TCF7L1: variants seen among roughly 807,000 people sequenced by gnomAD.
The protein encoded by TCF7L1 is transcription factor 7 like 1, also known as transcription factor 7-like 1.
TCF7L1 carries 18 observed loss-of-function variants against 63.7 expected under a neutral mutation model. The ratio of observed to expected loss-of-function variants is 0.28; its 90% CI spans 0.20 to 0.42. The LOEUF is 0.42. TCF7L1 is among the 10% of genes least tolerant of loss of function. The pLI is 1.00. For synonymous variants in TCF7L1, 355 were observed against 340.9 expected (o/e 1.04, Z -0.46); for missense variants, 654 against 779.3 (o/e 0.84, Z 1.91).
intron 3 of TCF7L1, among the ~76,000 whole-genome samples, chr2:85,174,948 A>G (rs966333098): frequency 8.5e-5 from 13 of 152,104 alleles, no homozygotes; most frequent in African/African-American, 2.7e-4. Context: ...AAGTGTTACT[A>G]TGTTTAAGTG....
chr2:85,139,864 T>G (rs56168805), intron 3 of TCF7L1, among the ~76,000 whole-genome samples: 17,541 of 152,162 alleles, frequency 0.12, 1,086 homozygotes, highest in Middle Eastern at 0.15. Flanking sequence ...GAATCTGATC[T>G]TATTTAAGAG....
At chr2:85,207,907 C>A (rs760700028) in intron 3 of TCF7L1, among the ~76,000 whole-genome samples, 3 of 152,014 alleles carry the variant, frequency 2.0e-5, no homozygotes, top group Non-Finnish European at 2.9e-5. Context: ...CTATTAAATG[C>A]ATTTTTTTTG....
intron 3 of TCF7L1, among the ~76,000 whole-genome samples, chr2:85,196,817 C>T (rs1368773036): frequency 2.0e-5 from 3 of 152,200 alleles, no homozygotes; most frequent in Non-Finnish European, 4.4e-5. Flanking sequence ...CCTGAGAAAG[C>T]ATTCCTGCCT....
chr2:85,255,865 C>G (rs1370808724), intron 3 of TCF7L1, among the ~76,000 whole-genome samples: 1 of 152,166 alleles, frequency 6.6e-6, no homozygotes, highest in Non-Finnish European at 1.5e-5. Context: ...CACTGTTGGC[C>G]AGTGGTCACT....
intron 3 of TCF7L1, among the ~76,000 whole-genome samples, chr2:85,176,128 A>G (rs1678672901): frequency 6.6e-6 from 1 of 152,264 alleles, no homozygotes; most frequent in African/African-American, 2.4e-5. Context: ...TTTGTAGGGC[A>G]TACTGGGGTG....
chr2:85,242,807 G>A (rs1382361917), intron 3 of TCF7L1, among the ~76,000 whole-genome samples: 2 of 152,080 alleles, frequency 1.3e-5, no homozygotes, highest in African/African-American at 2.4e-5. Flanking sequence ...TCTCCCCAGG[G>A]CCTCTATATC....
intron 3 of TCF7L1, among the ~76,000 whole-genome samples, chr2:85,239,257 T>C (rs72831501): frequency 0.032 from 4,920 of 152,176 alleles, 91 homozygotes; most frequent in Middle Eastern, 0.044. Flanking sequence ...CTCCTTCCTA[T>C]GCAGTCGGAG....
chr2:85,148,860 GC>G (rs1007876529), intron 3 of TCF7L1, among the ~76,000 whole-genome samples: 1 of 141,642 alleles, frequency 7.1e-6, no homozygotes. Context: ...TGCAACCTCT[GC>G]CCCCCCAGGT....
chr2:85,210,777 A>T (rs536810258), intron 3 of TCF7L1, among the ~76,000 whole-genome samples: 1 of 152,190 alleles, frequency 6.6e-6, no homozygotes, highest in Non-Finnish European at 1.5e-5. Flanking sequence ...CATTCTAAAC[A>T]TGTATGTTAA....
rs1217721868 is a variant in TCF7L1 at position 85,134,101 on chromosome 2, C to A, written c.313+22C>A. The A allele has an allele frequency of 6.2e-7, 1 of 1,606,410 alleles. No homozygotes were observed. Among genetic ancestry groups the A allele is most frequent in the African/African-American group, 1.3e-5 (1 of 74,314 alleles). On this transcript the variant is annotated intron_variant, in intron 2 of 11. Transcript: ENST00000282111. This position sits in a 1 kb window ranked among gnomAD's most constrained non-coding sequence, Gnocchi z 5.0. ...GAAGGTATGTGCCCGCTGGGACAGC[C>A]CCCCACTCTCGATTCCCGCTGCGCT...
chr2:85,279,707 G>A, intron 3 of TCF7L1, among the ~76,000 whole-genome samples: 1 of 152,164 alleles, frequency 6.6e-6, no homozygotes. Context: ...AAATAGAAAA[G>A]GGAAAGTCAC....
At chr2:85,180,460 G>A (rs901144903) in intron 3 of TCF7L1, among the ~76,000 whole-genome samples, 3 of 151,932 alleles carry the variant, frequency 2.0e-5, no homozygotes, top group Non-Finnish European at 4.4e-5. Flanking sequence ...GCCTCATGAC[G>A]GCTACACCCC....
At chr2:85,168,166 C>G (rs964439838) in intron 3 of TCF7L1, among the ~76,000 whole-genome samples, 2 of 147,796 alleles carry the variant, frequency 1.4e-5, no homozygotes, top group African/African-American at 5.0e-5. Flanking sequence ...TTAAGAGGGT[C>G]AATCTCATGT....
chr2:85,160,793 A>G (rs1466849341), intron 3 of TCF7L1, among the ~76,000 whole-genome samples: 1 of 152,168 alleles, frequency 6.6e-6, no homozygotes, highest in Non-Finnish European at 1.5e-5. Context: ...CAGAGGTTGC[A>G]GTGAGCCTAG....
At chr2:85,218,638 A>AGG (rs1558637181) in intron 3 of TCF7L1, among the ~76,000 whole-genome samples, 8 of 135,762 alleles carry the variant, frequency 5.9e-5, no homozygotes, top group African/African-American at 2.2e-4. Flanking sequence ...TTTTATTCCA[A>AGG]TGGGGGGGGG....
chr2:85,177,198 G>A (rs1678695914), intron 3 of TCF7L1, among the ~76,000 whole-genome samples: 1 of 151,858 alleles, frequency 6.6e-6, no homozygotes, highest in Non-Finnish European at 1.5e-5. Flanking sequence ...CCAGCTCTCT[G>A]GCCTCTTCTT....
chr2:85,168,303 G>A (rs996978326), intron 3 of TCF7L1, among the ~76,000 whole-genome samples: 8 of 152,096 alleles, frequency 5.3e-5, no homozygotes, highest in Non-Finnish European at 7.3e-5. Flanking sequence ...ATGTATGCAC[G>A]TGTTCAAACT....
intron 3 of TCF7L1, among the ~76,000 whole-genome samples, chr2:85,159,942 A>G (rs2104218643): frequency 6.6e-6 from 1 of 152,138 alleles, no homozygotes; most frequent in African/African-American, 2.4e-5. Flanking sequence ...ACCGATGCCC[A>G]CTGGCTCTGT....
At chr2:85,247,370 A>G (rs2104331525) in intron 3 of TCF7L1, among the ~76,000 whole-genome samples, 1 of 152,372 alleles carries the variant, frequency 6.6e-6, no homozygotes. Context: ...ATACAAGTGT[A>G]GGAGGCCAGA....
Sources: allele counts gnomAD v4.1 joint callset (sites outside exome capture counted in the v4.1 genomes callset), GRCh38; gene constraint gnomAD v4.1.1; non-coding constraint Gnocchi (gnomAD v3.1); transcripts MANE v1.5; gene names NCBI Gene and HGNC (gene_info 2026-07-23, HGNC 2026-07-21).